DET1: variants seen among roughly 807,000 people sequenced by gnomAD.
DET1 encodes DET1 homolog.
In DET1, 22 loss-of-function variants were observed where a neutral mutation model predicts 43.7. The observed-to-expected ratio is 0.50, with a 90% CI of 0.36 to 0.72. The LOEUF is 0.72. Ranked by LOEUF, DET1 falls within the 30% of genes least tolerant of loss-of-function variation. The pLI is 0.00. For synonymous variants in DET1, 315 were observed against 266.2 expected (o/e 1.18, Z -1.79); for missense variants, 713 against 713.3 (o/e 1.00, Z 0.00).
At chr15:88,506,159 C>T (rs189507060) in intron 7 of DET1, among the ~76,000 whole-genome samples, 24 of 152,286 alleles carry the variant, frequency 1.6e-4, no homozygotes, top group African/African-American at 5.8e-4. Context: ...GTATCAAGAG[C>T]TTTAATTAGT....
At chr15:88,533,782 G>A (rs895958109) in intron 1 of DET1, among the ~76,000 whole-genome samples, 3 of 146,936 alleles carry the variant, frequency 2.0e-5, no homozygotes, top group African/African-American at 7.6e-5. Context: ...AGCTACTTGG[G>A]AGGCTGAGGT....
At chr15:88,523,994 G>A (rs1352215232) in intron 3 of DET1, among the ~76,000 whole-genome samples, 2 of 150,922 alleles carry the variant, frequency 1.3e-5, no homozygotes, top group Admixed American at 1.3e-4. Context: ...AGGAAGTGAG[G>A]AGCGCCTCTT....
At position 88,516,719 on chromosome 15, in the gene DET1, G is replaced by T; in HGVS notation, c.1463+63C>A. 4 of 1,352,842 alleles carry T rather than the reference G, an allele frequency of 3.0e-6. No individual in the cohort carries two copies. Among genetic ancestry groups the T allele is most frequent in the Non-Finnish European group, 3.9e-6 (4 of 1,027,698 alleles). The allele number at this position is 1,352,842 out of a possible 1,614,324, so 83.8% of individuals were successfully genotyped here. A position where few individuals can be genotyped will look rare whatever the true frequency, so the allele number is the denominator to read the frequency against. The stretch of plus-strand genomic sequence containing the variant: ...CAATCAAATGATGTCCAGAAAAAGA[G>T]AAAAAGAAAGCAGGCCATCTTCAGC... On this transcript the variant is annotated intron_variant, in intron 4 of 4. Transcript: ENST00000268148. This position sits in a 1 kb window ranked among gnomAD's most constrained non-coding sequence, Gnocchi z 4.4.
At chr15:88,544,537 C>A (rs969940406) in intron 1 of DET1, among the ~76,000 whole-genome samples, 6 of 152,196 alleles carry the variant, frequency 3.9e-5, no homozygotes, top group Non-Finnish European at 7.3e-5. Flanking sequence ...AATTCCTAAC[C>A]AGACGGGGTC....
At chr15:88,510,385 A>C (rs887196318), downstream of DET1, among the ~76,000 whole-genome samples, 3 of 152,212 alleles carry the variant, frequency 2.0e-5, no homozygotes, top group Non-Finnish European at 2.9e-5. Context: ...TTCACACTCC[A>C]TGCTCTTTCC....
intron 8 of DET1, chr15:88,503,802 A>G (rs982863507): frequency 6.6e-6 from 1 of 152,210 alleles, no homozygotes; most frequent in Non-Finnish European, 1.5e-5. Context: ...GTTTGAGACC[A>G]GCCTGGACAA....
At position 88,527,792 on chromosome 15, in the gene DET1, G is replaced by A; in HGVS notation, c.1084-6C>T. ...TACACCACAAAGAAAGATGCCTGCA[G>A]AAGAAAAGAGAGAGAGGTATGGGAC... On this transcript the variant is annotated splice_polypyrimidine_tract_variant and splice_region_variant and intron_variant, in intron 2 of 4. Coordinates refer to ENST00000268148, the MANE Select transcript of DET1 (RefSeq NM_001144074.3). 6.3e-7 allele frequency: 1 copy of A among 1,577,084 alleles called. No individual in the cohort carries two copies. Among genetic ancestry groups the A allele is most frequent in the Non-Finnish European group, 8.6e-7 (1 of 1,159,438 alleles).
chr15:88,513,771 T>A lies in DET1; in HGVS notation c.1464-631A>T, dbSNP rs1363330599. ...TGTGGATCTAGGCTCACCTTTGAGT[T>A]TTTCATATTTAAGAATAAATTCTTT... On this transcript the variant is annotated intron_variant, in intron 4 of 4. Coordinates refer to ENST00000268148, the MANE Select transcript of DET1 (RefSeq NM_001144074.3). Among the ~76,000 whole-genome samples the A allele has an allele frequency of 2.0e-5, 3 of 148,302 alleles. No homozygotes were observed. The East Asian group carries it at 5.9e-4, about 29-fold the overall frequency.
intron 1 of DET1, among the ~76,000 whole-genome samples, chr15:88,544,481 T>C (rs1212681102): frequency 6.6e-6 from 1 of 152,122 alleles, no homozygotes; most frequent in Non-Finnish European, 1.5e-5. Flanking sequence ...CCCCAACAGG[T>C]ACAAGATATC....
At chr15:88,524,792 C>A (rs1003425986) in intron 3 of DET1, among the ~76,000 whole-genome samples, 1 of 152,114 alleles carries the variant, frequency 6.6e-6, no homozygotes, top group Non-Finnish European at 1.5e-5. Flanking sequence ...ATCTCAAGTA[C>A]CCAGGGACAC....
chr15:88,506,537 T>G (rs940756494), intron 7 of DET1, among the ~76,000 whole-genome samples: 1 of 147,548 alleles, frequency 6.8e-6, no homozygotes, highest in East Asian at 2.0e-4. Context: ...CTTAATATGC[T>G]CAATTGCTTT....
At chr15:88,520,018 A>G (rs2056446800) in intron 3 of DET1, among the ~76,000 whole-genome samples, 2 of 152,166 alleles carry the variant, frequency 1.3e-5, no homozygotes, top group East Asian at 1.9e-4. Context: ...CCCCATCAGC[A>G]CATCTACCCA....
At chr15:88,508,390 T>C (rs1001372572), downstream of DET1, among the ~76,000 whole-genome samples, 1 of 152,196 alleles carries the variant, frequency 6.6e-6, no homozygotes, top group African/African-American at 2.4e-5. Context: ...GGATTTCCAA[T>C]TCTGTGAGAC....
Position 88,531,324 on chromosome 15 carries a change from G to A in DET1, c.382C>T (p.Leu128=), listed in dbSNP as rs2056808595. 6.2e-7 allele frequency: 1 copy of A among 1,613,876 alleles called. No homozygotes were observed. Among genetic ancestry groups the A allele is most frequent in the Admixed American group, 1.7e-5 (1 of 60,008 alleles). The part of the protein sequence containing the change: ...GRLFERFFVL[L]HITNVAANGE... ...TTGGCCGCAACATTGGTAATGTGCA[G>A]CAGGACAAAAAAGCGTTCAAAGAGC... Residue 128 remains leucine (L), a synonymous_variant, in exon 2 of 5, where the codon CTG becomes TTG. Transcript: ENST00000268148. The surrounding 1 kb of genome is among the most constrained non-coding windows in gnomAD (Gnocchi z 6.2).
intron 2 of DET1, among the ~76,000 whole-genome samples, 176 bp from the exon 3 acceptor site, chr15:88,527,962 T>A (rs1035807542): frequency 6.6e-6 from 1 of 152,116 alleles, no homozygotes; most frequent in African/African-American, 2.4e-5. Flanking sequence ...GAAACATGGC[T>A]CCAAGTGGTT....
In DET1 at chr15:88,531,867, C is replaced by A; in HGVS notation, c.-10-152G>T. On this transcript the variant is annotated intron_variant, in intron 1 of 4. Transcript: ENST00000268148. This position sits in a 1 kb window ranked among gnomAD's most constrained non-coding sequence, Gnocchi z 6.2. ...TGGCATTACTACTTCCCAGATTATA[C>A]TGAGTAAGTGGTCCTAACATTTCTA... is the stretch of plus-strand genomic sequence containing the variant. 1 of 718,604 alleles carries A rather than the reference C, an allele frequency of 1.4e-6. No individual in the cohort carries two copies. The highest frequency in any genetic ancestry group is 2.2e-6 in the Non-Finnish European group (1 of 448,296). The allele number at this position is 718,604 out of a possible 1,614,324, so 44.5% of individuals were successfully genotyped here.
At chr15:88,535,872 A>C (rs2056936214) in intron 1 of DET1, among the ~76,000 whole-genome samples, 1 of 152,094 alleles carries the variant, frequency 6.6e-6, no homozygotes, top group African/African-American at 2.4e-5. Flanking sequence ...GAGGAAGGAA[A>C]TTTCCCAAAT....
intron 7 of DET1, among the ~76,000 whole-genome samples, chr15:88,507,134 C>T (rs1195464289): frequency 6.6e-6 from 1 of 152,146 alleles, no homozygotes; most frequent in Non-Finnish European, 1.5e-5. Flanking sequence ...GTTGGAGTGC[C>T]CCAGTGCCTT....
chr15:88,527,856 A>G (rs938242433), intron 2 of DET1, 70 bp from the exon 3 acceptor site: 4 of 1,218,978 alleles, frequency 3.3e-6, no homozygotes, highest in Non-Finnish European at 4.2e-6. Flanking sequence ...CTTAGCACTT[A>G]TTACTTGGCT....
Sources: gnomAD v4.1 joint callset for allele counts (sites outside exome capture counted in the v4.1 genomes callset) on GRCh38, gnomAD v4.1.1 for gene constraint, Gnocchi (gnomAD v3.1) non-coding constraint, MANE v1.5 for transcripts, NCBI Gene and HGNC (gene_info 2026-07-23, HGNC 2026-07-21) for gene names.